The following DYM variants were observed in gnomAD, a reference collection of about 807,000 sequenced individuals.
The protein encoded by DYM is dymeclin, also known as dyggve-Melchior-Clausen syndrome protein.
DYM carries 78 observed loss-of-function variants against 93.1 expected under a neutral mutation model. The observed-to-expected ratio is 0.84, with a 90% CI of 0.70 to 1.01. The LOEUF is 1.01. Ranked by LOEUF, DYM falls within the 50% of genes least tolerant of loss-of-function variation. The probability of loss-of-function intolerance (pLI) is 0.00; values close to 1 mark genes in which losing one functional copy is unlikely to be tolerated. For synonymous variants in DYM, 321 were observed against 319.7 expected, an observed-to-expected ratio of 1.00 and a Z score of -0.04; for missense variants, 789 against 845.0, an observed-to-expected ratio of 0.93 and a Z score of 0.82.
chr18:49,280,850 T>C (rs1039199748), intron 10 of DYM, among the ~76,000 whole-genome samples: 1 of 152,158 alleles, frequency 6.6e-6, no homozygotes, highest in African/African-American at 2.4e-5. Flanking sequence ...ATAAAAACCC[T>C]AGAAGAAAAC....
intron 17 of DYM, among the ~76,000 whole-genome samples, chr18:49,087,450 T>C (rs974971128): frequency 6.6e-6 from 1 of 152,220 alleles, no homozygotes; most frequent in Non-Finnish European, 1.5e-5. Context: ...ATCTACCACA[T>C]ATTTAATTAA....
intron 15 of DYM, among the ~76,000 whole-genome samples, chr18:49,141,223 GC>G (rs1205882832): frequency 1.3e-5 from 2 of 152,068 alleles, no homozygotes; most frequent in Non-Finnish European, 2.9e-5. Context: ...TGAGTTCCAA[GC>G]CACTGTAATC....
intron 1 of DYM, among the ~76,000 whole-genome samples, chr18:49,439,950 A>G (rs1329170020): frequency 1.3e-5 from 2 of 151,676 alleles, no homozygotes; most frequent in African/African-American, 2.4e-5. Context: ...AGTTGCAGTG[A>G]GCTATTATAC....
At chr18:49,169,406 G>A (rs1006401800) in intron 14 of DYM, among the ~76,000 whole-genome samples, 7 of 152,322 alleles carry the variant, frequency 4.6e-5, no homozygotes, top group South Asian at 2.1e-4. Flanking sequence ...AGCACTGCAC[G>A]TGCATCAAGT....
intron 17 of DYM, among the ~76,000 whole-genome samples, chr18:49,063,773 C>A (rs968820633): frequency 1.3e-5 from 2 of 151,822 alleles, no homozygotes; most frequent in African/African-American, 4.8e-5. Flanking sequence ...ATTACAGGCA[C>A]CTGCCACTAT....
chr18:49,362,465 C>T (rs1406742922), intron 6 of DYM, among the ~76,000 whole-genome samples: 1 of 152,098 alleles, frequency 6.6e-6, no homozygotes, highest in African/African-American at 2.4e-5. Context: ...CATGAGAAGT[C>T]CAGGATGAAA....
At chr18:49,209,742 A>G in intron 13 of DYM, 27 bp from the exon 14 acceptor site, 2 of 1,210,824 alleles carry the variant, frequency 1.7e-6, no homozygotes, top group Non-Finnish European at 2.1e-6. Flanking sequence ...AAAGGAGAGA[A>G]ACAGAAAGAG....
intron 14 of DYM, among the ~76,000 whole-genome samples, chr18:49,194,400 C>T (rs2145749234): frequency 6.6e-6 from 1 of 152,302 alleles, no homozygotes; most frequent in South Asian, 2.1e-4. Flanking sequence ...ACGCAATCTA[C>T]ACCTAGGAGC....
rs549042958 is a variant in DYM at position 49,037,381 on chromosome 18, GTA to G, written c.*6672_*6673del. On this transcript the variant is annotated 3_prime_UTR_variant, in exon 18 of 18. Coordinates refer to ENST00000675505, the MANE Select transcript of DYM (RefSeq NM_001353214.3). ...TAAACATTTAAATATATATGTGTGT[GTA>G]TATATATATATGAACAATAGACACT... 6.6e-6 allele frequency among the ~76,000 whole-genome samples: 1 copy of G among 151,068 alleles called. No homozygotes were observed.
At chr18:49,208,572 C>T (rs1482095868) in intron 14 of DYM, 1 of 152,154 alleles carries the variant, frequency 6.6e-6, no homozygotes, top group Admixed American at 6.5e-5. Context: ...ACTTACACAC[C>T]AGACTGCTTT....
At chr18:49,047,319 T>C (rs1161954674) in intron 17 of DYM, among the ~76,000 whole-genome samples, 1 of 152,216 alleles carries the variant, frequency 6.6e-6, no homozygotes, top group Non-Finnish European at 1.5e-5. Flanking sequence ...TTCCAGCTCT[T>C]TGCCATCATC....
chr18:49,241,374 CT>C (rs1392223150), intron 13 of DYM, among the ~76,000 whole-genome samples: 1 of 152,202 alleles, frequency 6.6e-6, no homozygotes, highest in Non-Finnish European at 1.5e-5. Flanking sequence ...ATGACCTTGG[CT>C]AAGTTTCAGT....
At chr18:49,080,161 T>C (rs867822592) in intron 17 of DYM, among the ~76,000 whole-genome samples, 1 of 30,886 alleles carries the variant, frequency 3.2e-5, no homozygotes, top group Non-Finnish European at 5.0e-5. Flanking sequence ...GGGGGGGGGC[T>C]GACCCCCCCA....
chr18:49,308,867 T>C (rs1349357550), intron 8 of DYM, among the ~76,000 whole-genome samples: 2 of 152,152 alleles, frequency 1.3e-5, no homozygotes, highest in East Asian at 1.9e-4. Context: ...AAGATGTTCA[T>C]TAAAGTGTTA....
chr18:49,181,319 T>C (rs2089906428), intron 14 of DYM, among the ~76,000 whole-genome samples: 1 of 152,162 alleles, frequency 6.6e-6, no homozygotes, highest in Non-Finnish European at 1.5e-5. Flanking sequence ...TGAAAAAATC[T>C]TTAATTTTTA....
At chr18:49,069,452 C>A (rs1397098193) in intron 17 of DYM, among the ~76,000 whole-genome samples, 1 of 152,186 alleles carries the variant, frequency 6.6e-6, no homozygotes, top group African/African-American at 2.4e-5. Flanking sequence ...ATCATCCCAA[C>A]TTTTCTTCAG....
At chr18:49,140,854 T>C (rs1029736847) in intron 15 of DYM, among the ~76,000 whole-genome samples, 2 of 152,224 alleles carry the variant, frequency 1.3e-5, no homozygotes, top group African/African-American at 2.4e-5. Context: ...ATCTAGCTAC[T>C]TGTCAGTTTA....
intron 8 of DYM, among the ~76,000 whole-genome samples, chr18:49,321,827 G>C (rs1381187238): frequency 6.6e-6 from 1 of 152,034 alleles, no homozygotes; most frequent in Non-Finnish European, 1.5e-5. Flanking sequence ...GATGAAATGA[G>C]AATATAATTA....
intron 1 of DYM, among the ~76,000 whole-genome samples, chr18:49,438,916 A>G (rs760164239): frequency 1.3e-5 from 2 of 152,180 alleles, no homozygotes; most frequent in Admixed American, 6.5e-5. Context: ...TGGAACTCTC[A>G]AGACCCTTAT....
Sources: allele counts gnomAD v4.1 joint callset (sites outside exome capture counted in the v4.1 genomes callset), GRCh38; gene constraint gnomAD v4.1.1; transcripts MANE v1.5; gene names NCBI Gene and HGNC (gene_info 2026-07-23, HGNC 2026-07-21).